Variants in OBI1 observed in about 807,000 individuals in gnomAD.
The protein encoded by OBI1 is ring finger protein 219.
OBI1 carries 59 observed loss-of-function variants against 62.4 expected under a neutral mutation model. That is an observed-to-expected ratio of 0.95 (90% CI 0.77 to 1.17). The LOEUF is 1.17. Among genes scored for constraint, OBI1 ranks in the 50% most tolerant of loss-of-function variants. The pLI is 0.00. For synonymous variants in OBI1, 302 were observed against 292.8 expected, an observed-to-expected ratio of 1.03 and a Z score of -0.32; for missense variants, 875 against 830.9, an observed-to-expected ratio of 1.05 and a Z score of -0.65.
chr13:78,640,676 G>A (rs956005482), intron 3 of OBI1, among the ~76,000 whole-genome samples: 5 of 151,906 alleles, frequency 3.3e-5, no homozygotes, highest in Non-Finnish European at 7.4e-5. Context: ...GGCAGGCACC[G>A]GCAGTCCCAG....
intron 3 of OBI1, among the ~76,000 whole-genome samples, chr13:78,641,264 T>G (rs994101612): frequency 2.0e-5 from 3 of 152,278 alleles, no homozygotes; most frequent in African/African-American, 4.8e-5. Flanking sequence ...TATTTTAAAT[T>G]GCAATACATT....
At chr13:78,651,358 C>G (rs1031251541) in intron 1 of OBI1, among the ~76,000 whole-genome samples, 1 of 152,192 alleles carries the variant, frequency 6.6e-6, no homozygotes, top group African/African-American at 2.4e-5. Flanking sequence ...TCCTACAAAA[C>G]AGTAATGATT....
intron 3 of OBI1, among the ~76,000 whole-genome samples, chr13:78,640,585 G>A (rs1247881359): frequency 6.6e-6 from 1 of 152,036 alleles, no homozygotes; most frequent in African/African-American, 2.4e-5. Flanking sequence ...GGCCAGCTGA[G>A]GTCAGGAGTT....
intron 2 of OBI1, among the ~76,000 whole-genome samples, chr13:78,643,342 C>T (rs1022260310): frequency 3.9e-5 from 6 of 152,102 alleles, no homozygotes; most frequent in Non-Finnish European, 8.8e-5. Flanking sequence ...AGGTTAACCC[C>T]GTAGCATGCA....
intron 5 of OBI1, among the ~76,000 whole-genome samples, chr13:78,625,688 G>A (rs1456986783): frequency 2.6e-5 from 4 of 152,176 alleles, no homozygotes; most frequent in Non-Finnish European, 5.9e-5. Context: ...ATCCAGAGAA[G>A]GGTCCCTCAG....
At chr13:78,637,121 G>A (rs1407661135) in intron 4 of OBI1, among the ~76,000 whole-genome samples, 3 of 152,178 alleles carry the variant, frequency 2.0e-5, no homozygotes, top group East Asian at 1.9e-4. Flanking sequence ...CTGGCCTCAC[G>A]ATGGTTCAAA....
intron 1 of OBI1, among the ~76,000 whole-genome samples, chr13:78,657,294 A>AT (rs1450069885): frequency 2.0e-5 from 3 of 151,708 alleles, no homozygotes; most frequent in African/African-American, 7.3e-5. Context: ...TACAGGAAAA[A>AT]AAAAACACTA....
At chr13:78,623,758 A>C (rs917783301) in intron 5 of OBI1, among the ~76,000 whole-genome samples, 5 of 152,250 alleles carry the variant, frequency 3.3e-5, no homozygotes, top group Non-Finnish European at 7.3e-5. Context: ...ACATTGGCTA[A>C]TAGAAACACA....
chr13:78,649,526 TGA>T (rs1876486649), intron 1 of OBI1, among the ~76,000 whole-genome samples: 2 of 152,146 alleles, frequency 1.3e-5, no homozygotes, highest in Non-Finnish European at 2.9e-5. Flanking sequence ...GACTGGAGGT[TGA>T]GAGACAATGA....
rs1289868252 is a variant in OBI1, at chr13:78,617,317, A to C, written c.639-195T>G. 4 of 466,412 alleles carry C rather than the reference A, an allele frequency of 8.6e-6. No homozygotes were observed. In the East Asian group the frequency reaches 1.3e-4, roughly 15 times the overall value. The allele number at this position is 466,412 out of a possible 1,614,324, so 28.9% of individuals were successfully genotyped here. A position where few individuals can be genotyped will look rare whatever the true frequency, so the allele number is the denominator to read the frequency against. Reference sequence around the variant, plus strand: ...ACTTACATAATAATAAACATATGATAATAATAGCAAAACCTAATAGGATAT... The same window carrying C: ...ACTTACATAATAATAAACATATGATCATAATAGCAAAACCTAATAGGATAT... On this transcript the variant is annotated intron_variant, in intron 5 of 5. Transcript: ENST00000282003.
intron 1 of OBI1, among the ~76,000 whole-genome samples, chr13:78,654,691 T>A (rs1409646787): frequency 6.6e-6 from 1 of 152,182 alleles, no homozygotes; most frequent in Non-Finnish European, 1.5e-5. Context: ...AAACAGTCAG[T>A]CTACTAGAGG....
At chr13:78,643,812 T>A (rs1876296194) in intron 2 of OBI1, among the ~76,000 whole-genome samples, 1 of 152,034 alleles carries the variant, frequency 6.6e-6, no homozygotes, top group Non-Finnish European at 1.5e-5. Flanking sequence ...CTTATTTAAG[T>A]CCATTTTCCC....
At chr13:78,654,029 GAA>G (rs11421042) in intron 1 of OBI1, among the ~76,000 whole-genome samples, 1 of 133,566 alleles carries the variant, frequency 7.5e-6, no homozygotes. Context: ...ATAACTTAAG[GAA>G]AAAAAAAAAA....
intron 1 of OBI1, among the ~76,000 whole-genome samples, chr13:78,656,969 G>C (rs1876731324): frequency 6.6e-6 from 1 of 151,616 alleles, no homozygotes; most frequent in South Asian, 2.1e-4. Context: ...ATTTTTAGTA[G>C]CGATGGGGTT....
At chr13:78,632,833 TCA>T (rs1875894712) in intron 5 of OBI1, among the ~76,000 whole-genome samples, 1 of 152,182 alleles carries the variant, frequency 6.6e-6, no homozygotes, top group Non-Finnish European at 1.5e-5. Context: ...AATACGGTTT[TCA>T]GCTCAAATCG....
chr13:78,631,505 T>G (rs899560866), intron 5 of OBI1, among the ~76,000 whole-genome samples: 5 of 152,166 alleles, frequency 3.3e-5, no homozygotes, highest in African/African-American at 1.2e-4. Context: ...TCTTGTAAAC[T>G]TAAAGGTCAT....
At chr13:78,646,232 T>C (rs1197469670) in intron 1 of OBI1, among the ~76,000 whole-genome samples, 1 of 152,196 alleles carries the variant, frequency 6.6e-6, no homozygotes, top group Non-Finnish European at 1.5e-5. Flanking sequence ...GTTTACATAT[T>C]TATTGTCTAT....
At chr13:78,620,068 T>C (rs1200606282) in intron 5 of OBI1, among the ~76,000 whole-genome samples, 1 of 152,142 alleles carries the variant, frequency 6.6e-6, no homozygotes, top group Non-Finnish European at 1.5e-5. Flanking sequence ...TCTATACTGC[T>C]CCACCCCAAA....
chr13:78,635,344 T>A, intron 4 of OBI1, 146 bp from the exon 5 acceptor site: 2 of 603,782 alleles, frequency 3.3e-6, no homozygotes, highest in South Asian at 4.1e-5. Flanking sequence ...TTAAAATCAC[T>A]ACTGGGAATG....
Sources: allele counts gnomAD v4.1 joint callset (sites outside exome capture counted in the v4.1 genomes callset), GRCh38; gene constraint gnomAD v4.1.1; transcripts MANE v1.5; gene names NCBI Gene and HGNC (gene_info 2026-07-23, HGNC 2026-07-21).